The following CCDC142 variants were observed in gnomAD, a reference collection of about 807,000 sequenced individuals.
CCDC142 encodes coiled-coil domain-containing protein 142.
CCDC142 carries 67 observed loss-of-function variants against 83.8 expected under a neutral mutation model. That is an observed-to-expected ratio of 0.80 (90% CI 0.66 to 0.98). The LOEUF (loss-of-function observed/expected upper bound fraction) is 0.98. CCDC142 is among the 50% of genes least tolerant of loss of function. The probability of loss-of-function intolerance (pLI) is 0.00; values close to 1 mark genes in which losing one functional copy is unlikely to be tolerated. For missense variants in CCDC142, 905 were observed against 946.8 expected (o/e 0.96, Z 0.58); for synonymous variants, 421 against 421.2 (o/e 1.00, Z 0.01).
At chr2:74,479,737 G>T (rs1170201151) in intron 5 of CCDC142, among the ~76,000 whole-genome samples, 1 of 152,150 alleles carries the variant, frequency 6.6e-6, no homozygotes, top group East Asian at 1.9e-4. Context: ...GGGAGTACAG[G>T]CGCATGCCAC....
Position 74,482,023 on chromosome 2 carries a change from C to T in CCDC142, c.815G>A (p.Gly272Glu), listed in dbSNP as rs762083009. The T allele has an allele frequency of 1.1e-5, 18 of 1,613,646 alleles. No homozygotes were observed. Among genetic ancestry groups the T allele is most frequent in the Non-Finnish European group, 1.4e-5 (16 of 1,179,996 alleles). Reference protein sequence around the residue: ...DQLRRRCQEEGDLLPGLLGLV... With the variant: ...DQLRRRCQEEEDLLPGLLGLV... Reference sequence around the variant, plus strand: ...GCCCAGCAGCCCTGGTAGCAGATCCCCCTCCTCTTGGCACCGCCTGCGGAG... The same window carrying T: ...GCCCAGCAGCCCTGGTAGCAGATCCTCCTCCTCTTGGCACCGCCTGCGGAG... The change falls in exon 1 of 9, where the codon GGG (glycine) becomes GAG (glutamate). Residue 272 changes from glycine (G) to glutamate (E), a missense_variant. Physicochemically the swap from Gly to Glu is moderately conservative, Grantham distance 98. Around this residue, in one of 3 missense-constraint regions of CCDC142, gnomAD observed 591 missense variants for 571.4 expected, o/e 1.03. Transcript: ENST00000393965. The surrounding 1 kb of genome is among the most constrained non-coding windows in gnomAD (Gnocchi z 5.0).
intron 5 of CCDC142, among the ~76,000 whole-genome samples, chr2:74,477,747 G>A (rs1267653863): frequency 6.6e-6 from 1 of 152,102 alleles, no homozygotes; most frequent in Non-Finnish European, 1.5e-5. Context: ...TACTCATGAT[G>A]AGCCTGCTCT....
chr2:74,480,711 G>C, intron 5 of CCDC142, 58 bp downstream of exon 5: 1 of 1,225,358 alleles, frequency 8.2e-7, no homozygotes, highest in Non-Finnish European at 1.2e-6. Flanking sequence ...TCCCACCCCC[G>C]ATACTTGGCA....
chr2:74,481,923 G>A lies in CCDC142; in HGVS notation c.915C>T (p.Tyr305=). ...CACAGGCTGCCCACAGCAGGGTCCA[G>A]TATTGGCTCCACAAGGCCCCAGCCC... ...LGGAGALWSQ[Y]WTLLWAACAQ... The change falls in exon 1 of 9, where the codon TAC becomes TAT. Residue 305 remains tyrosine (Y), a synonymous_variant. Transcript: ENST00000393965. 1 of 1,614,112 alleles carries A rather than the reference G, an allele frequency of 6.2e-7. No individual in the cohort carries two copies. Among genetic ancestry groups the A allele is most frequent in the South Asian group, 1.1e-5 (1 of 91,082 alleles).
At position 74,482,315 on chromosome 2, in the gene CCDC142, C is replaced by T; in HGVS notation, c.523G>A (p.Ala175Thr). Residue 175 changes from alanine to threonine, a missense_variant, in exon 1 of 9, where the codon GCC becomes ACC. Physicochemically the swap from Ala to Thr is moderately conservative, Grantham distance 58. Around this residue, in one of 3 missense-constraint regions of CCDC142, gnomAD observed 591 missense variants for 571.4 expected, o/e 1.03. Coordinates refer to ENST00000393965, the MANE Select transcript of CCDC142 (RefSeq NM_001365575.2). This position sits in a 1 kb window ranked among gnomAD's most constrained non-coding sequence, Gnocchi z 5.0. ...TCGATGACAGCCTCCAGGCACTGGGCGGCTAGTCCGATGGGGCGCGCTAGC... is the reference window on the plus strand; with the variant it reads ...TCGATGACAGCCTCCAGGCACTGGGTGGCTAGTCCGATGGGGCGCGCTAGC... ...LLLARPIGLA[A>T]QCLEAVIEMQ... The T allele has an allele frequency of 1.2e-6, 2 of 1,609,900 alleles. No individual in the cohort carries two copies. Among genetic ancestry groups the T allele is most frequent in the Non-Finnish European group, 8.5e-7 (1 of 1,178,908 alleles).
At position 74,473,135 on chromosome 2, in the gene CCDC142, TAGCCAAAGCTTAA is replaced by T. The variant is rs1319596309; in HGVS notation, c.*1398_*1410del. On this transcript the variant is annotated 3_prime_UTR_variant, in exon 9 of 9. Transcript: ENST00000393965. ...AAGATTAAACGTAGTGAGCTCTGAA[TAGCCAAAGCTTAA>T]ACGTGAAAGTACTACAGCCCAATAT... The T allele has an allele frequency of 4.6e-6, 1 of 216,218 alleles. No individual in the cohort carries two copies. The highest frequency in any genetic ancestry group is 9.5e-6 in the Non-Finnish European group (1 of 105,460). 13.4% of individuals were successfully genotyped at this position (216,218 alleles called of 1,614,324 possible).
chr2:74,481,394 G>A (rs758515069), intron 2 of CCDC142, 22 bp from the exon 3 acceptor site: 1 of 1,614,160 alleles, frequency 6.2e-7, no homozygotes, highest in Non-Finnish European at 8.5e-7. Context: ...AGAGTATAGT[G>A]TGGTGGGGAA....
intron 5 of CCDC142, among the ~76,000 whole-genome samples, chr2:74,480,532 A>G (rs1205976786): frequency 1.3e-5 from 2 of 150,846 alleles, no homozygotes; most frequent in South Asian, 2.1e-4. Flanking sequence ...TAGAGGCTGC[A>G]GTGAGCTGAG....
chr2:74,480,643 A>C (rs1466327760), intron 5 of CCDC142, 126 bp downstream of exon 5: 5 of 634,168 alleles, frequency 7.9e-6, no homozygotes, highest in Non-Finnish European at 8.1e-6. Flanking sequence ...CAGAGCAAAA[A>C]AAGATACATT....
intron 1 of CCDC142, 62 bp from the exon 2 acceptor site, chr2:74,481,600 ACTC>A: frequency 6.6e-7 from 1 of 1,505,204 alleles, no homozygotes; most frequent in Non-Finnish European, 9.2e-7. Context: ...ACCCCTGCCC[ACTC>A]AATGATGAGG....
intron 6 of CCDC142, 43 bp downstream of exon 6, chr2:74,475,569 C>A (rs1369584029): frequency 6.5e-7 from 1 of 1,546,794 alleles, no homozygotes; most frequent in Non-Finnish European, 8.9e-7. Context: ...GACACTATTA[C>A]CCCCTTGGAA....
Position 74,475,346 on chromosome 2 carries a change from G to C in CCDC142, c.1675C>G (p.Pro559Ala), listed in dbSNP as rs765703219. The part of the protein sequence containing the change: ...AGLVVRTVLE[P>A]VLQGLQGLPP... Reference sequence around the variant, plus strand: ...AACCCTTGCAATCCTTGCAACACAGGCTCCAGTACGGTGCGGACCACTAAA... The same window carrying C: ...AACCCTTGCAATCCTTGCAACACAGCCTCCAGTACGGTGCGGACCACTAAA... Residue 559 changes from proline to alanine, a missense_variant, in exon 7 of 9, where the codon CCT (proline) becomes GCT (alanine). This residue lies in a region of CCDC142 where 265 missense variants were observed against 288.9 expected (regional missense o/e 0.92). Coordinates refer to ENST00000393965, the MANE Select transcript of CCDC142 (RefSeq NM_001365575.2). 17 of 1,612,112 alleles carry C rather than the reference G, an allele frequency of 1.1e-5. No homozygotes were observed. Among genetic ancestry groups the C allele is most frequent in the Non-Finnish European group, 1.4e-5 (16 of 1,178,896 alleles).
chr2:74,478,073 C>CTTT (rs962747208), intron 5 of CCDC142, among the ~76,000 whole-genome samples: 1 of 141,362 alleles, frequency 7.1e-6, no homozygotes, highest in Non-Finnish European at 1.5e-5. Context: ...TATATATATA[C>CTTT]TTTTTTTTTT....
At chr2:74,481,650 G>A (rs1437334564) in intron 1 of CCDC142, 112 bp from the exon 2 acceptor site, 3 of 1,376,066 alleles carry the variant, frequency 2.2e-6, no homozygotes, top group Non-Finnish European at 3.1e-6. Context: ...CGGGACTGGG[G>A]TGGAAAGCAA....
intron 6 of CCDC142, 46 bp downstream of exon 6, chr2:74,475,566 T>G: frequency 6.5e-7 from 1 of 1,542,824 alleles, no homozygotes; most frequent in Non-Finnish European, 8.9e-7. Context: ...TGAGACACTA[T>G]TACCCCCTTG....
intron 6 of CCDC142, 79 bp from the exon 7 acceptor site, chr2:74,475,481 G>A: frequency 6.7e-7 from 1 of 1,488,472 alleles, no homozygotes; most frequent in Non-Finnish European, 9.1e-7. Context: ...AAGAGGGTAG[G>A]ATTTCAGGAG....
At position 74,482,116 on chromosome 2, in the gene CCDC142, C is replaced by A. The variant is rs1558575638; in HGVS notation, c.722G>T (p.Gly241Val). Residue 241 changes from glycine to valine, a missense_variant, in exon 1 of 9, where the codon GGG becomes GTG. Physicochemically the swap from Gly to Val is moderately radical, Grantham distance 109. Around this residue, in one of 3 missense-constraint regions of CCDC142, gnomAD observed 591 missense variants for 571.4 expected, o/e 1.03. Coordinates refer to ENST00000393965, the MANE Select transcript of CCDC142 (RefSeq NM_001365575.2). The surrounding 1 kb of genome is among the most constrained non-coding windows in gnomAD (Gnocchi z 5.0). ...PTSRVLRLLT[G>V]ERGCQVASRL... The stretch of plus-strand genomic sequence containing the variant: ...ACTTGCCACCTGGCAACCCCGCTCC[C>A]CCGTCAAGAGGCGGAGCACACGGGA... 6.2e-7 allele frequency: 1 copy of A among 1,613,666 alleles called. No homozygotes were observed. The highest frequency in any genetic ancestry group is 8.5e-7 in the Non-Finnish European group (1 of 1,179,972).
In CCDC142 at chr2:74,481,510, C is replaced by G. The variant is rs1003532816; in HGVS notation, c.1050G>C (p.Glu350Asp). ...GTAGTCTGTGACACAAAGATGCCAG[C>G]TCCTTCTCACACTCCTGAGGCAGGG... ...QASLPQECEK[E>D]LASLCHRLLH... is the part of the protein sequence containing the mutation. Residue 350 changes from glutamate to aspartate, a missense_variant, in exon 2 of 9, where the codon GAG (glutamate) becomes GAC (aspartate). This residue lies in a region of CCDC142 where 591 missense variants were observed against 571.4 expected (regional missense o/e 1.03). Transcript: ENST00000393965. 6.2e-7 allele frequency: 1 copy of G among 1,614,088 alleles called. No individual in the cohort carries two copies. Among genetic ancestry groups the G allele is most frequent in the Non-Finnish European group, 8.5e-7 (1 of 1,180,046 alleles).
intron 5 of CCDC142, 101 bp downstream of exon 5, chr2:74,480,668 A>G: frequency 1.3e-6 from 1 of 750,286 alleles, no homozygotes; most frequent in Non-Finnish European, 2.2e-6. Flanking sequence ...AGAGACTCCA[A>G]GGAGATTCCA....
Sources: allele counts gnomAD v4.1 joint callset (sites outside exome capture counted in the v4.1 genomes callset), GRCh38; gene constraint gnomAD v4.1.1; regional missense constraint gnomAD v4.1.1; non-coding constraint Gnocchi (gnomAD v3.1); transcripts MANE v1.5; gene names NCBI Gene and HGNC (gene_info 2026-07-23, HGNC 2026-07-21).